UBE2U: variants seen among roughly 807,000 people sequenced by gnomAD.
UBE2U encodes the protein ubiquitin-conjugating enzyme E2 U.
Under a neutral mutation model 41.2 loss-of-function variants are expected in UBE2U, and 39 were observed. The ratio of observed to expected loss-of-function variants is 0.95; its 90% confidence interval spans 0.73 to 1.24. UBE2U has a LOEUF of 1.24. Ranked by LOEUF, UBE2U falls within the 50% of genes most tolerant of loss-of-function variation. UBE2U has a pLI of 0.00. For missense variants in UBE2U, 336 were observed against 363.1 expected (o/e 0.93, Z 0.61); for synonymous variants, 107 against 117.8 (o/e 0.91, Z 0.60).
chr1:64,231,316 T>C (rs1331719649), intron 6 of UBE2U, among the ~76,000 whole-genome samples: 1 of 152,206 alleles, frequency 6.6e-6, no homozygotes, highest in Non-Finnish European at 1.5e-5. Context: ...TCTTGAGTCA[T>C]TGTTGTCTGC....
At chr1:64,253,011 T>C (rs572545827) in intron 8 of UBE2U, among the ~76,000 whole-genome samples, 2 of 152,206 alleles carry the variant, frequency 1.3e-5, no homozygotes, top group African/African-American at 4.8e-5. Flanking sequence ...AAGCTGAGAA[T>C]CATGATAAAA....
chr1:64,262,530 G>T (rs889977216), intron 9 of UBE2U, among the ~76,000 whole-genome samples: 4 of 152,112 alleles, frequency 2.6e-5, no homozygotes, highest in Non-Finnish European at 4.4e-5. Context: ...AGGAATGAGG[G>T]CCCTGGCTTC....
intron 8 of UBE2U, among the ~76,000 whole-genome samples, chr1:64,249,377 CAA>C (rs71584441): frequency 1.8e-4 from 12 of 67,344 alleles, no homozygotes; most frequent in East Asian, 9.4e-4. Context: ...GACTCTGTCT[CAA>C]AAAAAAAAAA....
chr1:64,255,048 G>A (rs1645068447), intron 8 of UBE2U, among the ~76,000 whole-genome samples: 1 of 151,674 alleles, frequency 6.6e-6, no homozygotes, highest in Non-Finnish European at 1.5e-5. Context: ...AGAAAAGAGA[G>A]TAGAATCAAA....
chr1:64,220,551 C>A (rs565728737), intron 5 of UBE2U, among the ~76,000 whole-genome samples: 1 of 152,264 alleles, frequency 6.6e-6, no homozygotes, highest in East Asian at 1.9e-4. Flanking sequence ...CCAGAGGTAT[C>A]TGGCACATTC....
chr1:64,239,157 A>AAGAAGAAGAAGAAGAGGAAGAAG, intron 7 of UBE2U, among the ~76,000 whole-genome samples: 1 of 37,064 alleles, frequency 2.7e-5, no homozygotes, highest in Admixed American at 3.2e-4. Context: ...GAAGAAGAAG[A>AAGAAGAAGAAGAAGAGGAAGAAG]AAGAAGAAGA....
chr1:64,265,523 A>C (rs573009163), intron 9 of UBE2U, among the ~76,000 whole-genome samples: 1 of 152,346 alleles, frequency 6.6e-6, no homozygotes, highest in South Asian at 2.1e-4. Context: ...TGTGGGCCTC[A>C]GGATAACCAT....
rs552175242 is a variant in UBE2U, at chr1:64,235,360, G to A, written c.595+2711G>A. Among the ~76,000 whole-genome samples the A allele has an allele frequency of 3.4e-4, 52 of 152,244 alleles. No individual in the cohort carries two copies. In the South Asian group the frequency reaches 8.9e-3, roughly 26 times the overall value. ...TCTTCTAGGGAATTGTTATAAGAAT[G>A]TTTCAAGAGTTTCCTTGAATAATAA... is the stretch of plus-strand genomic sequence containing the variant. On this transcript the variant is annotated intron_variant, in intron 7 of 9. Transcript: ENST00000371077.
chr1:64,239,043 A>G (rs992683338), intron 7 of UBE2U, among the ~76,000 whole-genome samples: 1 of 110,778 alleles, frequency 9.0e-6, no homozygotes, highest in Admixed American at 1.0e-4. Context: ...CCCCCATCTC[A>G]AAAAGAAGAA....
At chr1:64,242,068 AAAAAG>A (rs894068508) in intron 8 of UBE2U, among the ~76,000 whole-genome samples, 11 of 152,094 alleles carry the variant, frequency 7.2e-5, no homozygotes, top group Admixed American at 6.6e-4. Context: ...TTTTTTTAAA[AAAAAG>A]AAAAGCAAAA....
intron 6 of UBE2U, among the ~76,000 whole-genome samples, chr1:64,224,934 A>G (rs868449506): frequency 1.6e-4 from 19 of 117,286 alleles, no homozygotes; most frequent in Middle Eastern, 8.1e-3. Context: ...ATAGGATATT[A>G]TCACACACAC....
In UBE2U at chr1:64,232,607, A is replaced by G; in HGVS notation, c.553A>G (p.Arg185Gly). ...SFSDYYQTWS[R>G]IATSKATEYY... is the part of the protein sequence containing the mutation. ...TAGTGATTACTACCAGACATGGTCCAGAATAGCTACATCAAAAGCCACAGA... is the reference window on the plus strand; with the variant it reads ...TAGTGATTACTACCAGACATGGTCCGGAATAGCTACATCAAAAGCCACAGA... The change falls in exon 7 of 10, where the codon AGA becomes GGA. Residue 185 changes from arginine to glycine, a missense_variant. Arg to Gly is a moderately radical substitution (Grantham distance 125). Transcript: ENST00000371077. The G allele has an allele frequency of 6.2e-7, 1 of 1,613,694 alleles. No homozygotes were observed. The highest frequency in any genetic ancestry group is 8.5e-7 in the Non-Finnish European group (1 of 1,179,766).
At chr1:64,239,092 G>GGAAGAAGAA (rs1221201927) in intron 7 of UBE2U, among the ~76,000 whole-genome samples, 33 of 42,782 alleles carry the variant, frequency 7.7e-4, no homozygotes, top group Non-Finnish European at 1.3e-3. Context: ...AAGAGGAAGA[G>GGAAGAAGAA]GAAGAAGAAG....
chr1:64,238,401 TAA>T (rs779337375), intron 7 of UBE2U, among the ~76,000 whole-genome samples: 7 of 136,112 alleles, frequency 5.1e-5, no homozygotes, highest in East Asian at 2.1e-4. Flanking sequence ...GAGACTATCT[TAA>T]AAAAAAAAAA....
intron 4 of UBE2U, among the ~76,000 whole-genome samples, chr1:64,213,667 A>AAATG (rs1369328692): frequency 2.0e-5 from 3 of 152,222 alleles, no homozygotes; most frequent in Admixed American, 1.3e-4. Flanking sequence ...ATATTAAATA[A>AAATG]AATGAATGAA....
intron 7 of UBE2U, among the ~76,000 whole-genome samples, chr1:64,240,422 G>T (rs557968694): frequency 2.0e-5 from 3 of 152,186 alleles, no homozygotes; most frequent in African/African-American, 7.2e-5. Context: ...TGCTCCAGAG[G>T]TTAGAACTAA....
chr1:64,259,036 T>G (rs1444473431), intron 8 of UBE2U, among the ~76,000 whole-genome samples: 1 of 151,986 alleles, frequency 6.6e-6, no homozygotes, highest in African/African-American at 2.4e-5. Flanking sequence ...AGATGGTATC[T>G]CATTGTGGTT....
At chr1:64,242,708 T>C (rs1277810054) in intron 8 of UBE2U, among the ~76,000 whole-genome samples, 1 of 152,198 alleles carries the variant, frequency 6.6e-6, no homozygotes, top group Non-Finnish European at 1.5e-5. Context: ...ACAACTTTCT[T>C]TCAAGCTAAA....
At chr1:64,210,159 G>T (rs979967436) in intron 3 of UBE2U, among the ~76,000 whole-genome samples, 1 of 152,142 alleles carries the variant, frequency 6.6e-6, no homozygotes, top group African/African-American at 2.4e-5. Context: ...TTTCCCAAAA[G>T]AAAATCAAAT....
Sources: allele counts gnomAD v4.1 joint callset (sites outside exome capture counted in the v4.1 genomes callset), GRCh38; gene constraint gnomAD v4.1.1; transcripts MANE v1.5; gene names NCBI Gene and HGNC (gene_info 2026-07-23, HGNC 2026-07-21).